OPRM1: variants seen among roughly 807,000 people sequenced by gnomAD.
The protein encoded by OPRM1 is opioid receptor mu 1.
In OPRM1, 27 loss-of-function variants were observed where a neutral mutation model predicts 31.8. The ratio of observed to expected loss-of-function variants is 0.85; its 90% CI spans 0.63 to 1.17. OPRM1 has a LOEUF of 1.17. OPRM1 is among the 50% of genes most tolerant of loss of function. The probability of loss-of-function intolerance (pLI) is 0.00; values close to 1 mark genes in which losing one functional copy is unlikely to be tolerated. For synonymous variants in OPRM1, 196 were observed against 189.9 expected (o/e 1.03, Z -0.26); for missense variants, 536 against 511.1 (o/e 1.05, Z -0.47).
chr6:154,188,677 G>A (rs1186792664), intron 3 of OPRM1, among the ~76,000 whole-genome samples: 1 of 152,202 alleles, frequency 6.6e-6, no homozygotes, highest in Non-Finnish European at 1.5e-5. Flanking sequence ...TAGAAAAAGT[G>A]GCCCACTGGG....
intron 1 of OPRM1, among the ~76,000 whole-genome samples, chr6:154,079,127 A>T (rs1788540691): frequency 6.6e-6 from 1 of 152,134 alleles, no homozygotes; most frequent in Non-Finnish European, 1.5e-5. Flanking sequence ...CTCCAGGAAA[A>T]ACTCTTTATG....
At chr6:154,219,817 A>C (rs1778707630) in intron 3 of OPRM1, among the ~76,000 whole-genome samples, 1 of 152,180 alleles carries the variant, frequency 6.6e-6, no homozygotes, top group South Asian at 2.1e-4. Context: ...TTTGTTTGGA[A>C]GACTCAACTG....
At chr6:154,223,681 G>A (rs1344159602) in intron 3 of OPRM1, among the ~76,000 whole-genome samples, 7 of 152,222 alleles carry the variant, frequency 4.6e-5, no homozygotes, top group African/African-American at 1.7e-4. Flanking sequence ...CAGAGCCCTG[G>A]AGTTAGCAAA....
At chr6:154,056,549 A>G (rs547741080) in intron 1 of OPRM1, among the ~76,000 whole-genome samples, 13 of 151,838 alleles carry the variant, frequency 8.6e-5, no homozygotes, top group African/African-American at 2.4e-4. Flanking sequence ...CAGGACAGTA[A>G]ACTCTATAAA....
At chr6:154,167,998 T>C in intron 3 of OPRM1, 13 of 1,611,742 alleles carry the variant, frequency 8.1e-6, no homozygotes, top group Non-Finnish European at 1.1e-5. Context: ...TAACAAAGGA[T>C]TTTCTCAACT....
intron 1 of OPRM1, among the ~76,000 whole-genome samples, chr6:154,072,897 T>A (rs986235622): frequency 6.6e-6 from 1 of 152,216 alleles, no homozygotes; most frequent in Non-Finnish European, 1.5e-5. Context: ...TGCACACGGA[T>A]ACCAGCCCCT....
rs932925588 is a variant in OPRM1, at chr6:154,167,833, G to A, written c.1164+76361G>A. The A allele has an allele frequency of 3.5e-5, 34 of 983,644 alleles. No individual in the cohort carries two copies. The Admixed American group carries it at 7.9e-4, about 23-fold the overall frequency. 60.9% of individuals were successfully genotyped at this position (983,644 alleles called of 1,614,324 possible). The stretch of plus-strand genomic sequence containing the variant: ...CCCTTCCCTGCAACCACACAAACAT[G>A]CTGTGATTAGCAAGAATCTCTCTGC... On this transcript the variant is annotated intron_variant, in intron 3 of 3. Coordinates refer to the OPRM1 transcript ENST00000337049.
upstream of OPRM1, among the ~76,000 whole-genome samples, chr6:154,035,796 G>C (rs1008280156): frequency 2.0e-5 from 3 of 152,090 alleles, no homozygotes; most frequent in Admixed American, 2.0e-4. Context: ...TGTGAAAAAT[G>C]TTGCATGATA....
chr6:154,107,468 G>A (rs1326523267), intron 3 of OPRM1: 2 of 718,428 alleles, frequency 2.8e-6, no homozygotes, highest in East Asian at 2.7e-5. Flanking sequence ...TTTCTAGGTG[G>A]AATTGAACCT....
Position 154,039,460 on chromosome 6 carries a change from G to C in OPRM1, c.-85G>C, listed in dbSNP as rs1484361892. On this transcript the variant is annotated 5_prime_UTR_variant, in exon 1 of 4. Transcript: ENST00000330432. ...AGCAGGAGCTGTGGCAGCGGCGAAAGGAAGCGGCTGAGGCGCTTGGAACCC... is the reference window on the plus strand; with the variant it reads ...AGCAGGAGCTGTGGCAGCGGCGAAACGAAGCGGCTGAGGCGCTTGGAACCC... 1 of 1,553,122 alleles carries C rather than the reference G, an allele frequency of 6.4e-7. No individual in the cohort carries two copies. The highest frequency in any genetic ancestry group is 8.7e-7 in the Non-Finnish European group (1 of 1,147,760).
intron 3 of OPRM1, among the ~76,000 whole-genome samples, chr6:154,102,399 G>A (rs768780501): frequency 1.3e-5 from 2 of 152,054 alleles, no homozygotes; most frequent in Non-Finnish European, 2.9e-5. Context: ...TCAGGCAACT[G>A]GCTAATATTA....
downstream of OPRM1, among the ~76,000 whole-genome samples, chr6:154,136,490 T>C (rs1424647739): frequency 6.6e-6 from 1 of 152,182 alleles, no homozygotes; most frequent in Non-Finnish European, 1.5e-5. Context: ...CAGATATATC[T>C]AAGTGATTCT....
rs199953844 is a variant in OPRM1, at chr6:154,039,650, C to T, written c.106C>T (p.His36Tyr). Residue 36 changes from histidine to tyrosine, a missense_variant, in exon 1 of 4, where the codon CAC (histidine) becomes TAC (tyrosine). Physicochemically the swap from His to Tyr is moderately conservative, Grantham distance 83. Coordinates refer to ENST00000330432, the MANE Select transcript of OPRM1 (RefSeq NM_000914.5). ...PSPGSWVNLS[H>Y]LDGNLSDPCG... is the part of the protein sequence containing the mutation. ...CCCCGGTTCCTGGGTCAACTTGTCC[C>T]ACTTAGATGGCAACCTGTCCGACCC... The T allele has an allele frequency of 4.0e-5, 64 of 1,613,904 alleles. 1 individual carries two copies. The South Asian group carries it at 6.8e-4, about 17-fold the overall frequency.
intron 3 of OPRM1, among the ~76,000 whole-genome samples, chr6:154,230,503 T>A (rs1779634384): frequency 6.6e-6 from 1 of 152,208 alleles, no homozygotes; most frequent in Non-Finnish European, 1.5e-5. Flanking sequence ...ACAAGTATTT[T>A]GGAAAATATA....
At chr6:154,027,744 A>C (rs985661188) in intron 1 of OPRM1, among the ~76,000 whole-genome samples, 1 of 152,100 alleles carries the variant, frequency 6.6e-6, no homozygotes, top group African/African-American at 2.4e-5. Context: ...GAGGAGCTTC[A>C]CCCTGTGGCC....
rs545212759 is a variant in OPRM1 at position 154,212,167 on chromosome 6, T to C, written c.1165-34526T>C. On this transcript the variant is annotated intron_variant, in intron 3 of 3. Transcript: ENST00000337049. ...CCCTTCCTCGGGGCCATTACTGTAA[T>C]GCTAAGAGCATCTAAATATGAAGCT... 2.4e-3 allele frequency among the ~76,000 whole-genome samples: 361 copies of C among 152,346 alleles called. 1 individual carries two copies. The highest frequency in any genetic ancestry group is 8.5e-3 in the African/African-American group (355 of 41,584).
rs534766184 is a variant in OPRM1, at chr6:154,121,479, A to C, written c.*2758A>C. On this transcript the variant is annotated 3_prime_UTR_variant, in exon 4 of 4. Coordinates refer to ENST00000330432, the MANE Select transcript of OPRM1 (RefSeq NM_000914.5). ...CCATTTGAAACACTTCTCAACATTGAAATAGACAGTTGAAGTTTTAAAATA... is the reference window on the plus strand; with the variant it reads ...CCATTTGAAACACTTCTCAACATTGCAATAGACAGTTGAAGTTTTAAAATA... 8.1e-4 allele frequency among the ~76,000 whole-genome samples: 124 copies of C among 152,316 alleles called. No individual in the cohort carries two copies. Among genetic ancestry groups the C allele is most frequent in the Admixed American group, 1.9e-3 (29 of 15,294 alleles).
At chr6:154,068,895 A>G (rs1466892159) in intron 1 of OPRM1, among the ~76,000 whole-genome samples, 3 of 152,140 alleles carry the variant, frequency 2.0e-5, no homozygotes, top group Non-Finnish European at 2.9e-5. Context: ...TGTAATCATC[A>G]TTCCAACAGG....
rs546957192 is a variant in OPRM1, at chr6:154,127,822, T to C, written c.*9101T>C. Among the ~76,000 whole-genome samples the C allele has an allele frequency of 3.3e-5, 5 of 152,266 alleles. No homozygotes were observed. Among genetic ancestry groups the C allele is most frequent in the African/African-American group, 9.6e-5 (4 of 41,560 alleles). ...GGGGTTCATTCAGAAAACAGGAAAA[T>C]AACAAAGGCTTCCTGTAATTCTCTT... On this transcript the variant is annotated 3_prime_UTR_variant, in exon 4 of 4. Coordinates refer to ENST00000330432, the MANE Select transcript of OPRM1 (RefSeq NM_000914.5).
Sources: allele counts gnomAD v4.1 joint callset (sites outside exome capture counted in the v4.1 genomes callset), GRCh38; gene constraint gnomAD v4.1.1; transcripts MANE v1.5; gene names NCBI Gene and HGNC (gene_info 2026-07-23, HGNC 2026-07-21).